Variants in MYOF observed in about 807,000 individuals in gnomAD.
The protein encoded by MYOF is fer-1-like 3, myoferlin.
In MYOF, 244 loss-of-function variants were observed where a neutral mutation model predicts 284.2. The ratio of observed to expected loss-of-function variants is 0.86; its 90% CI spans 0.77 to 0.95. MYOF has a LOEUF of 0.95. Ranked by LOEUF, MYOF falls within the 40% of genes least tolerant of loss-of-function variation. The pLI is 0.00. For missense variants in MYOF, 2,496 were observed against 2,560.6 expected (o/e 0.97, Z 0.54); for synonymous variants, 904 against 919.7 (o/e 0.98, Z 0.31).
chr10:93,306,929 C>T lies in MYOF; in HGVS notation c.*34G>A. 6.2e-7 allele frequency: 1 copy of T among 1,604,132 alleles called. No homozygotes were observed. Among genetic ancestry groups the T allele is most frequent in the South Asian group, 1.1e-5 (1 of 90,662 alleles). On this transcript the variant is annotated 3_prime_UTR_variant, in exon 54 of 54. Transcript: ENST00000359263. ...CTACAGAGGCAGGATTCTCTCATTG[C>T]TGGATGACTCTTGAAATGAAGCCTT...
At chr10:93,426,009 T>C (rs1156760430) in intron 5 of MYOF, 62 bp downstream of exon 5, 1 of 1,452,172 alleles carries the variant, frequency 6.9e-7, no homozygotes, top group Middle Eastern at 2.4e-4. Flanking sequence ...CCAGACACTC[T>C]CCTGTGTGTC....
chr10:93,402,966 T>C lies in MYOF; in HGVS notation c.844-76A>G, dbSNP rs1260259914. ...AGTCACTTTAAAGAAGCCATCATTA[T>C]ATTTAAATATCATGTCTTGATTACA... On this transcript the variant is annotated intron_variant, in intron 9 of 53. Coordinates refer to ENST00000359263, the MANE Select transcript of MYOF (RefSeq NM_013451.4). 5.6e-6 allele frequency: 7 copies of C among 1,250,670 alleles called. No homozygotes were observed. In the African/African-American group the frequency reaches 8.9e-5, roughly 16 times the overall value. 77.5% of individuals were successfully genotyped at this position (1,250,670 alleles called of 1,614,324 possible). A position where few individuals can be genotyped will look rare whatever the true frequency, so the allele number is the denominator to read the frequency against.
chr10:93,307,823 C>T (rs1028156907), intron 53 of MYOF, among the ~76,000 whole-genome samples: 2 of 149,866 alleles, frequency 1.3e-5, no homozygotes, highest in African/African-American at 4.9e-5. Context: ...CAGGGTTTCA[C>T]CATGTTGGTC....
intron 1 of MYOF, among the ~76,000 whole-genome samples, chr10:93,472,247 T>C (rs1047844753): frequency 2.0e-5 from 3 of 152,212 alleles, no homozygotes; most frequent in Non-Finnish European, 2.9e-5. Flanking sequence ...ATGGCTATTA[T>C]GAAATAAAGA....
chr10:93,409,519 A>G, intron 6 of MYOF, 54 bp downstream of exon 6: 1 of 1,577,686 alleles, frequency 6.3e-7, no homozygotes, highest in Non-Finnish European at 8.6e-7. Flanking sequence ...CAATTGCCAG[A>G]AGATGGGCAA....
chr10:93,310,210 G>A, intron 52 of MYOF, 43 bp from the exon 53 acceptor site: 8 of 1,599,730 alleles, frequency 5.0e-6, no homozygotes, highest in Non-Finnish European at 6.8e-6. Flanking sequence ...ACTCAGGAGG[G>A]ATGCATATTT....
At position 93,402,151 on chromosome 10, in the gene MYOF, C is replaced by A. The variant is rs1167034269; in HGVS notation, c.990+81G>T. On this transcript the variant is annotated intron_variant, in intron 11 of 53. Coordinates refer to ENST00000359263, the MANE Select transcript of MYOF (RefSeq NM_013451.4). ...TGACGGGAAGCTGTGCTCCATTTCA[C>A]AATTACCCATGCCCACATGCTTAAC... 10 of 1,100,994 alleles carry A rather than the reference C, an allele frequency of 9.1e-6. No homozygotes were observed. In the East Asian group the frequency reaches 1.9e-4, roughly 21 times the overall value. 68.2% of individuals were successfully genotyped at this position (1,100,994 alleles called of 1,614,324 possible). A position where few individuals can be genotyped will look rare whatever the true frequency, so the allele number is the denominator to read the frequency against.
At position 93,351,752 on chromosome 10, in the gene MYOF, G is replaced by A. The variant is rs769006926; in HGVS notation, c.3576C>T (p.Phe1192=). ...GTTCCCCATAGATTTCAACTTCATCGAATATAATTGTTTGGTCCCACGTGG... is the reference window on the plus strand; with the variant it reads ...GTTCCCCATAGATTTCAACTTCATCAAATATAATTGTTTGGTCCCACGTGG... ...LNPTWDQTII[F]DEVEIYGEPQ... is the part of the protein sequence containing the mutation. The change falls in exon 33 of 54, where the codon TTC becomes TTT. Residue 1192 remains phenylalanine (F), a synonymous_variant. Transcript: ENST00000359263. 1.4e-5 allele frequency: 22 copies of A among 1,599,932 alleles called. No individual in the cohort carries two copies. Among genetic ancestry groups the A allele is most frequent in the Middle Eastern group, 1.7e-4 (1 of 6,028 alleles).
intron 1 of MYOF, among the ~76,000 whole-genome samples, chr10:93,475,029 G>GT (rs1400477503): frequency 6.6e-6 from 1 of 152,134 alleles, no homozygotes; most frequent in Non-Finnish European, 1.5e-5. Flanking sequence ...GATTACAGGC[G>GT]TGAGCCATCA....
chr10:93,317,759 C>T (rs74744211), intron 49 of MYOF, among the ~76,000 whole-genome samples: 3,529 of 152,310 alleles, frequency 0.023, 52 homozygotes, highest in Non-Finnish European at 0.036. Context: ...TTCTTGCCTC[C>T]ATTGCCTCAG....
intron 1 of MYOF, among the ~76,000 whole-genome samples, chr10:93,480,170 A>G (rs1358352678): frequency 6.6e-6 from 1 of 152,198 alleles, no homozygotes; most frequent in Non-Finnish European, 1.5e-5. Flanking sequence ...AAAAATTAAT[A>G]AAACCTAACA....
chr10:93,436,975 A>T (rs1849152912), intron 3 of MYOF, among the ~76,000 whole-genome samples: 1 of 152,176 alleles, frequency 6.6e-6, no homozygotes, highest in Non-Finnish European at 1.5e-5. Context: ...CTCAAAAGGA[A>T]ATTTTTTAGT....
intron 1 of MYOF, among the ~76,000 whole-genome samples, chr10:93,469,406 A>AG (rs1472788771): frequency 5.5e-5 from 1 of 18,276 alleles, no homozygotes; most frequent in African/African-American, 1.7e-4. Context: ...ATCTCTGAAG[A>AG]AAAAAAAAAA....
At position 93,404,181 on chromosome 10, in the gene MYOF, C is replaced by T. The variant is rs146468430; in HGVS notation, c.768G>A (p.Leu256=). 1,271 of 1,614,134 alleles carry T rather than the reference C, an allele frequency of 7.9e-4. 8 individuals are homozygous for T. The African/African-American group carries it at 0.016, about 20-fold the overall frequency. ...CCCGGATGCTGATGATCTCATCCAT[C>T]AATTCAGAAGGGGTCATGTTGACAT... is the stretch of plus-strand genomic sequence containing the variant. ...FYNVNMTPSE[L]MDEIISIRVY... The change falls in exon 8 of 54, where the codon TTG becomes TTA. Residue 256 remains leucine (L), a synonymous_variant. Transcript: ENST00000359263.
intron 5 of MYOF, among the ~76,000 whole-genome samples, chr10:93,419,171 T>C (rs970093184): frequency 6.6e-6 from 1 of 152,174 alleles, no homozygotes; most frequent in African/African-American, 2.4e-5. Context: ...TTCTTCTTTT[T>C]ATTTTTTTTG....
intron 48 of MYOF, among the ~76,000 whole-genome samples, chr10:93,321,322 T>G (rs1297297386): frequency 1.3e-5 from 2 of 152,120 alleles, no homozygotes; most frequent in East Asian, 3.9e-4. Flanking sequence ...AGTAGTGGTA[T>G]TAATACCAAT....
chr10:93,425,265 G>C (rs1361614298), intron 5 of MYOF, among the ~76,000 whole-genome samples: 1 of 152,148 alleles, frequency 6.6e-6, no homozygotes, highest in African/African-American at 2.4e-5. Flanking sequence ...CAAGGAAGCA[G>C]GTGAGTGTGG....
In MYOF at chr10:93,323,121, T is replaced by C. The variant is rs1178902024; in HGVS notation, c.5413A>G (p.Lys1805Glu). The change falls in exon 48 of 54, where the codon AAA (lysine) becomes GAA (glutamate). Residue 1805 changes from lysine (K) to glutamate (E), a missense_variant. Lys to Glu is a moderately conservative substitution (Grantham distance 56, BLOSUM62 1). Coordinates refer to ENST00000359263, the MANE Select transcript of MYOF (RefSeq NM_013451.4). Reference sequence around the variant, plus strand: ...CTCATTTCCTCTCCTGTGATGCTTTTCTCGTCCAAGATAACGTCCTTGGTG... The same window carrying C: ...CTCATTTCCTCTCCTGTGATGCTTTCCTCGTCCAAGATAACGTCCTTGGTG... ...WNTKDVILDE[K>E]SITGEEMSDI... 1 of 1,614,058 alleles carries C rather than the reference T, an allele frequency of 6.2e-7. No individual in the cohort carries two copies.
intron 45 of MYOF, among the ~76,000 whole-genome samples, chr10:93,328,065 C>T (rs572361726): frequency 3.9e-5 from 6 of 152,122 alleles, no homozygotes; most frequent in Non-Finnish European, 8.8e-5. Context: ...CCACTGTGCC[C>T]GGCCTCAAAA....
Sources: allele counts gnomAD v4.1 joint callset (sites outside exome capture counted in the v4.1 genomes callset), GRCh38; gene constraint gnomAD v4.1.1; transcripts MANE v1.5; gene names NCBI Gene and HGNC (gene_info 2026-07-23, HGNC 2026-07-21).